ARHGEF12: variants seen among roughly 807,000 people sequenced by gnomAD.
ARHGEF12 encodes the protein Rho guanine nucleotide exchange factor 12.
In ARHGEF12, 66 loss-of-function variants were observed where a neutral mutation model predicts 211.2. The ratio of observed to expected loss-of-function variants is 0.31; its 90% CI spans 0.26 to 0.38. ARHGEF12 has a LOEUF of 0.38. Ranked by LOEUF, ARHGEF12 falls within the 10% of genes least tolerant of loss-of-function variation. The pLI is 1.00. For synonymous variants in ARHGEF12, 592 were observed against 638.4 expected (o/e 0.93, Z 1.09); for missense variants, 1,429 against 1,869.5 (o/e 0.76, Z 4.34).
chr11:120,341,505 T>C (rs1186940533), intron 1 of ARHGEF12, among the ~76,000 whole-genome samples: 1 of 152,214 alleles, frequency 6.6e-6, no homozygotes. Context: ...GGGAAAACAG[T>C]TGGAAAATAT....
chr11:120,411,487 G>T (rs1944878523), intron 4 of ARHGEF12: 1 of 148,900 alleles, frequency 6.7e-6, no homozygotes, highest in Non-Finnish European at 1.5e-5. Context: ...AAACTTTAGA[G>T]ATTATACATT....
chr11:120,368,637 CT>C (rs1477534488), intron 1 of ARHGEF12, among the ~76,000 whole-genome samples: 2 of 152,174 alleles, frequency 1.3e-5, no homozygotes, highest in African/African-American at 4.8e-5. Flanking sequence ...CCATTGAGTG[CT>C]TGTGCCAGGT....
chr11:120,446,538 T>C (rs1166405055), intron 17 of ARHGEF12, 30 bp downstream of exon 17: 1 of 1,521,206 alleles, frequency 6.6e-7, no homozygotes, highest in Non-Finnish European at 9.0e-7. Context: ...GAATTTCATA[T>C]GATTATTCTA....
chr11:120,395,214 A>G (rs545151263), intron 1 of ARHGEF12, among the ~76,000 whole-genome samples: 1 of 152,158 alleles, frequency 6.6e-6, no homozygotes, highest in East Asian at 1.9e-4. Context: ...AAAACAGGAA[A>G]ATACATAAAA....
intron 1 of ARHGEF12, among the ~76,000 whole-genome samples, chr11:120,359,769 A>G (rs1037944782): frequency 6.6e-6 from 1 of 152,210 alleles, no homozygotes; most frequent in African/African-American, 2.4e-5. Context: ...GGACAGAAGT[A>G]CTTTCAAAGG....
chr11:120,471,184 A>G (rs1008588252), intron 30 of ARHGEF12, among the ~76,000 whole-genome samples: 1 of 152,234 alleles, frequency 6.6e-6, no homozygotes, highest in Admixed American at 6.5e-5. Context: ...AACTTTATTC[A>G]TAATAGCGAA....
intron 8 of ARHGEF12, among the ~76,000 whole-genome samples, chr11:120,428,452 T>C (rs150505253): frequency 1.3e-3 from 194 of 152,346 alleles, no homozygotes; most frequent in African/African-American, 4.2e-3. Flanking sequence ...ACACCTGCCA[T>C]ATGTAAAACA....
In ARHGEF12 at chr11:120,429,705, T is replaced by C. The variant is rs1945469234; in HGVS notation, c.664-7T>C. 1 of 1,607,264 alleles carries C rather than the reference T, an allele frequency of 6.2e-7. No homozygotes were observed. Among genetic ancestry groups the C allele is most frequent in the Non-Finnish European group, 8.5e-7 (1 of 1,178,214 alleles). ...TTAATTCTGAAAATATTTTTATAACTTTTCAGTTATTGCAGGAAGATTACA... is the reference window on the plus strand; with the variant it reads ...TTAATTCTGAAAATATTTTTATAACCTTTCAGTTATTGCAGGAAGATTACA... On this transcript the variant is annotated splice_polypyrimidine_tract_variant and splice_region_variant and intron_variant, in intron 9 of 40. Coordinates refer to ENST00000397843, the MANE Select transcript of ARHGEF12 (RefSeq NM_015313.3).
intron 26 of ARHGEF12, among the ~76,000 whole-genome samples, chr11:120,459,613 T>C (rs1015784337): frequency 6.6e-6 from 1 of 152,112 alleles, no homozygotes; most frequent in Non-Finnish European, 1.5e-5. Flanking sequence ...TATATATCTC[T>C]TTAAATATAT....
intron 28 of ARHGEF12, among the ~76,000 whole-genome samples, chr11:120,466,515 A>T (rs1946710080): frequency 6.6e-6 from 1 of 152,254 alleles, no homozygotes; most frequent in Non-Finnish European, 1.5e-5. Flanking sequence ...TGGCAACCTA[A>T]TCATAGGTGT....
At chr11:120,477,630 C>A in intron 36 of ARHGEF12, 104 bp downstream of exon 36, 4 of 1,032,914 alleles carry the variant, frequency 3.9e-6, no homozygotes, top group Non-Finnish European at 5.7e-6. Flanking sequence ...TTTGGGAGGT[C>A]GAGATAGGCG....
chr11:120,480,001 A>G lies in ARHGEF12; in HGVS notation c.3808A>G (p.Thr1270Ala), dbSNP rs765604885. ...GTTGCTGGTGCAACAGCTAGGTTTG[A>G]CTGAGAAGAGCGTTCAGGAAGACTG... ...KQLLVQQLGL[T>A]EKSVQEDWQH... The change falls in exon 38 of 41, where the codon ACT becomes GCT. Residue 1270 changes from threonine to alanine, a missense_variant. Around this residue, in one of 7 missense-constraint regions of ARHGEF12, gnomAD observed 467 missense variants for 468.4 expected, o/e 1.00. Coordinates refer to ENST00000397843, the MANE Select transcript of ARHGEF12 (RefSeq NM_015313.3). 1 of 1,614,038 alleles carries G rather than the reference A, an allele frequency of 6.2e-7. No individual in the cohort carries two copies. Among genetic ancestry groups the G allele is most frequent in the East Asian group, 2.2e-5 (1 of 44,882 alleles).
In ARHGEF12 at chr11:120,364,543, G is replaced by T. The variant is rs145728671; in HGVS notation, c.32+27268G>T. ...CACCCACACCATTATTTTAGTAGGGGCAAAGAGGAACCAATGTAAGTCTGG... is the reference window on the plus strand; with the variant it reads ...CACCCACACCATTATTTTAGTAGGGTCAAAGAGGAACCAATGTAAGTCTGG... On this transcript the variant is annotated intron_variant, in intron 1 of 40. Coordinates refer to ENST00000397843, the MANE Select transcript of ARHGEF12 (RefSeq NM_015313.3). 4.4e-3 allele frequency among the ~76,000 whole-genome samples: 673 copies of T among 152,290 alleles called. 4 individuals are homozygous for T. The highest frequency in any genetic ancestry group is 0.015 in the African/African-American group (637 of 41,556).
At position 120,489,533 on chromosome 11, in the gene ARHGEF12, T is replaced by C. The variant is rs1201303928; in HGVS notation, c.*4456T>C. On this transcript the variant is annotated 3_prime_UTR_variant, in exon 41 of 41. Coordinates refer to ENST00000397843, the MANE Select transcript of ARHGEF12 (RefSeq NM_015313.3). ...TCACATACCAACATTTCTGTGCTTT[T>C]ACCAACAGCATTTTAGCTCAGAAGG... The C allele has an allele frequency of 1.4e-5, 3 of 220,328 alleles. No individual in the cohort carries two copies. Among genetic ancestry groups the C allele is most frequent in the African/African-American group, 6.7e-5 (3 of 44,612 alleles). 13.6% of individuals were successfully genotyped at this position (220,328 alleles called of 1,614,324 possible).
intron 37 of ARHGEF12, 95 bp downstream of exon 37, chr11:120,478,484 C>A: frequency 9.7e-6 from 11 of 1,130,516 alleles, no homozygotes; most frequent in South Asian, 1.5e-5. Context: ...TCCACTTATT[C>A]TTCTAGTTCT....
intron 1 of ARHGEF12, among the ~76,000 whole-genome samples, chr11:120,347,517 C>T (rs1421769974): frequency 6.6e-6 from 1 of 151,928 alleles, no homozygotes; most frequent in African/African-American, 2.4e-5. Flanking sequence ...CTGTGTTCAC[C>T]CATGCCATTT....
intron 1 of ARHGEF12, among the ~76,000 whole-genome samples, chr11:120,381,815 C>T (rs758562867): frequency 1.3e-5 from 2 of 152,184 alleles, no homozygotes; most frequent in Non-Finnish European, 2.9e-5. Flanking sequence ...CAAACACTCT[C>T]CTCTCCTCTA....
At chr11:120,440,267 A>G (rs1945831868) in intron 13 of ARHGEF12, 46 bp downstream of exon 13, 1 of 1,491,226 alleles carries the variant, frequency 6.7e-7, no homozygotes, top group Middle Eastern at 1.7e-4. Context: ...ACTTTCTGCA[A>G]TATCTGATTT....
In ARHGEF12 at chr11:120,489,303, T is replaced by TA. The variant is rs1357878930; in HGVS notation, c.*4228dup. The TA allele has an allele frequency of 4.4e-6, 1 of 226,298 alleles. No individual in the cohort carries two copies. The highest frequency in any genetic ancestry group is 8.8e-6 in the Non-Finnish European group (1 of 113,800). The allele number at this position is 226,298 out of a possible 1,614,324, so 14.0% of individuals were successfully genotyped here. A position where few individuals can be genotyped will look rare whatever the true frequency, so the allele number is the denominator to read the frequency against. ...ATATAATTCATCCATTTAAAGTGTA[T>TA]AATCAGATGGGTTTTGGTATATTAT... is the stretch of plus-strand genomic sequence containing the variant. On this transcript the variant is annotated 3_prime_UTR_variant, in exon 41 of 41. Coordinates refer to ENST00000397843, the MANE Select transcript of ARHGEF12 (RefSeq NM_015313.3).
Sources: allele counts gnomAD v4.1 joint callset (sites outside exome capture counted in the v4.1 genomes callset), GRCh38; gene constraint gnomAD v4.1.1; regional missense constraint gnomAD v4.1.1; transcripts MANE v1.5; gene names NCBI Gene and HGNC (gene_info 2026-07-23, HGNC 2026-07-21).